RNF8: variants seen among roughly 807,000 people sequenced by gnomAD.
RNF8 encodes E3 ubiquitin-protein ligase RNF8.
Under a neutral mutation model 59.3 loss-of-function variants are expected in RNF8, and 8 were observed. The ratio of observed to expected loss-of-function variants is 0.13; its 90% CI spans 0.08 to 0.24. The LOEUF (loss-of-function observed/expected upper bound fraction) is 0.24. Ranked by LOEUF, RNF8 falls within the 10% of genes least tolerant of loss-of-function variation. The probability of loss-of-function intolerance (pLI) is 1.00; values close to 1 mark genes in which losing one functional copy is unlikely to be tolerated. For synonymous variants in RNF8, 162 were observed against 200.0 expected (o/e 0.81, Z 1.60); for missense variants, 406 against 572.6 (o/e 0.71, Z 2.97).
chr6:37,377,931 T>C (rs1005259687), intron 6 of RNF8, among the ~76,000 whole-genome samples: 1 of 152,236 alleles, frequency 6.6e-6, no homozygotes, highest in African/African-American at 2.4e-5. Flanking sequence ...ATTCTGCTGT[T>C]TGTGACCAGT....
intron 7 of RNF8, among the ~76,000 whole-genome samples, chr6:37,382,110 C>T (rs1238001211): frequency 1.3e-5 from 2 of 152,170 alleles, no homozygotes; most frequent in Admixed American, 6.5e-5. Context: ...AGGAATACTA[C>T]ACTAGGCATC....
chr6:37,387,914 A>G (rs1770579651), intron 7 of RNF8, among the ~76,000 whole-genome samples: 2 of 152,224 alleles, frequency 1.3e-5, no homozygotes, highest in South Asian at 2.1e-4. Flanking sequence ...ACAGAGTGCT[A>G]GAGAGAATAT....
At chr6:37,367,140 A>C (rs1408809514) in intron 2 of RNF8, among the ~76,000 whole-genome samples, 3 of 152,230 alleles carry the variant, frequency 2.0e-5, no homozygotes. Flanking sequence ...GTGAACACTT[A>C]CGTAATACGA....
At chr6:37,382,929 C>T (rs1256002553) in intron 7 of RNF8, among the ~76,000 whole-genome samples, 4 of 150,526 alleles carry the variant, frequency 2.7e-5, no homozygotes, top group Non-Finnish European at 4.4e-5. Context: ...GCCAAGATCG[C>T]ACCACTGCAC....
At chr6:37,373,559 A>C (rs1044367572) in intron 4 of RNF8, among the ~76,000 whole-genome samples, 2 of 152,114 alleles carry the variant, frequency 1.3e-5, no homozygotes, top group Non-Finnish European at 1.5e-5. Context: ...GGCGCGCGCC[A>C]CAATGCCCGA....
At position 37,368,826 on chromosome 6, in the gene RNF8, G is replaced by A. The variant is rs766840753; in HGVS notation, c.583G>A (p.Val195Met). The A allele has an allele frequency of 1.1e-5, 18 of 1,614,046 alleles. No individual in the cohort carries two copies. Among genetic ancestry groups the A allele is most frequent in the East Asian group, 2.2e-5 (1 of 44,898 alleles). ...QPVKSQGKGE[V>M]ASTPSDNLDP... Reference sequence around the variant, plus strand: ...AGTGAAATCACAGGGGAAAGGTGAAGTGGCCAGTACACCCTCTGACAATTT... The same window carrying A: ...AGTGAAATCACAGGGGAAAGGTGAAATGGCCAGTACACCCTCTGACAATTT... The change falls in exon 3 of 8, where the codon GTG becomes ATG. Residue 195 changes from valine (V) to methionine (M), a missense_variant. By Grantham distance (21) the Val-to-Met change is conservative. Coordinates refer to ENST00000373479, the MANE Select transcript of RNF8 (RefSeq NM_003958.4).
intron 1 of RNF8, among the ~76,000 whole-genome samples, chr6:37,355,966 TAAG>T (rs1169380738): frequency 6.6e-6 from 1 of 152,196 alleles, no homozygotes; most frequent in African/African-American, 2.4e-5. Context: ...CACAACCTCA[TAAG>T]ATAACTCAGT....
chr6:37,361,078 T>C (rs1196731768), intron 2 of RNF8: 1 of 353,142 alleles, frequency 2.8e-6, no homozygotes, highest in Non-Finnish European at 5.5e-6. Flanking sequence ...CTTTGAATAA[T>C]GGGTTTTTCT....
chr6:37,365,081 A>G (rs931083252), intron 2 of RNF8, among the ~76,000 whole-genome samples: 1 of 152,150 alleles, frequency 6.6e-6, no homozygotes, highest in East Asian at 1.9e-4. Context: ...TAGTGGCTTT[A>G]TTAATATTCA....
intron 6 of RNF8, among the ~76,000 whole-genome samples, 177 bp downstream of exon 6, chr6:37,377,210 C>A (rs894025284): frequency 6.6e-6 from 1 of 151,696 alleles, no homozygotes; most frequent in African/African-American, 2.4e-5. Context: ...GTAGCTGGGT[C>A]CCTTACAGGC....
chr6:37,382,980 A>AT (rs1770338256), intron 7 of RNF8, among the ~76,000 whole-genome samples: 2 of 152,068 alleles, frequency 1.3e-5, no homozygotes, highest in African/African-American at 4.8e-5. Context: ...CTCAAAAAAA[A>AT]AAAAAAAAGG....
intron 2 of RNF8, among the ~76,000 whole-genome samples, chr6:37,362,670 G>A (rs977279192): frequency 2.0e-5 from 3 of 152,166 alleles, no homozygotes; most frequent in African/African-American, 4.8e-5. Flanking sequence ...CTGCTGATAA[G>A]AGACCTGAAT....
intron 3 of RNF8, among the ~76,000 whole-genome samples, chr6:37,370,952 G>A (rs1289504018): frequency 6.6e-6 from 1 of 152,156 alleles, no homozygotes; most frequent in African/African-American, 2.4e-5. Flanking sequence ...TTTGGAAGGT[G>A]CTGGACATAT....
Position 37,377,061 on chromosome 6 carries a change from C to CTTTTT in RNF8, c.1236+52_1236+56dup, listed in dbSNP as rs35985063. The stretch of plus-strand genomic sequence containing the variant: ...AATTATGAACAGTTGCTCACCCCTT[C>CTTTTT]TTTTTTTTTTTTTTTTTTTTTTTTT... On this transcript the variant is annotated intron_variant, in intron 6 of 7. Coordinates refer to ENST00000373479, the MANE Select transcript of RNF8 (RefSeq NM_003958.4). 355 of 257,898 alleles carry CTTTTT rather than the reference C, an allele frequency of 1.4e-3. 2 individuals carry two copies. The highest frequency in any genetic ancestry group is 2.2e-3 in the South Asian group (73 of 32,948). The allele number at this position is 257,898 out of a possible 1,614,324, so 16.0% of individuals were successfully genotyped here. A position where few individuals can be genotyped will look rare whatever the true frequency, so the allele number is the denominator to read the frequency against.
intron 2 of RNF8, among the ~76,000 whole-genome samples, chr6:37,361,851 A>G (rs1769337703): frequency 6.6e-6 from 1 of 152,246 alleles, no homozygotes; most frequent in Non-Finnish European, 1.5e-5. Flanking sequence ...CACCATGAGC[A>G]GGATAAAAAT....
intron 7 of RNF8, among the ~76,000 whole-genome samples, chr6:37,382,545 C>T (rs1331759769): frequency 6.6e-6 from 1 of 152,090 alleles, no homozygotes; most frequent in Non-Finnish European, 1.5e-5. Context: ...ATCTGGGAAT[C>T]CAGATTTGGC....
At chr6:37,356,771 CAG>C (rs1223185405) in intron 1 of RNF8, among the ~76,000 whole-genome samples, 2 of 152,118 alleles carry the variant, frequency 1.3e-5, no homozygotes, top group Non-Finnish European at 2.9e-5. Context: ...TGTTTTGAGA[CAG>C]AGTACTCCTT....
At chr6:37,365,542 G>A (rs195386) in intron 2 of RNF8, among the ~76,000 whole-genome samples, 20,214 of 152,218 alleles carry the variant, frequency 0.13, 3,975 homozygotes, top group African/African-American at 0.43. Context: ...ACTGAGCTAC[G>A]TAAATTATCT....
chr6:37,382,477 T>C (rs1770311423), intron 7 of RNF8, among the ~76,000 whole-genome samples: 1 of 152,284 alleles, frequency 6.6e-6, no homozygotes, highest in Non-Finnish European at 1.5e-5. Flanking sequence ...AGAAAGTATC[T>C]ACGGAGGCTT....
Sources: gnomAD v4.1 joint callset for allele counts (sites outside exome capture counted in the v4.1 genomes callset) on GRCh38, gnomAD v4.1.1 for gene constraint, MANE v1.5 for transcripts, NCBI Gene and HGNC (gene_info 2026-07-23, HGNC 2026-07-21) for gene names.